PTGFRN: variants seen among roughly 807,000 people sequenced by gnomAD.
PTGFRN encodes prostaglandin F2 receptor inhibitor, also known as prostaglandin F2 receptor negative regulator.
In PTGFRN, 35 loss-of-function variants were observed where a neutral mutation model predicts 83.2. The observed-to-expected ratio is 0.42, with a 90% confidence interval of 0.32 to 0.56. The LOEUF is 0.56. Among genes scored for constraint, PTGFRN ranks in the 20% least tolerant of loss-of-function variants. The pLI is 0.11. For synonymous variants in PTGFRN, 519 were observed against 498.6 expected (o/e 1.04, Z -0.55); for missense variants, 1,051 against 1,179.5 (o/e 0.89, Z 1.60).
intron 1 of PTGFRN, among the ~76,000 whole-genome samples, chr1:116,926,891 A>G (rs2806863): frequency 0.17 from 25,211 of 152,140 alleles, 4,452 homozygotes; most frequent in African/African-American, 0.44. Context: ...TAAAGTATCA[A>G]GGAAAAGTCA....
rs762083606 is a variant in PTGFRN, at chr1:116,961,204, A to G, written c.1214-39A>G. 4.7e-6 allele frequency: 7 copies of G among 1,488,302 alleles called. No individual in the cohort carries two copies. In the Admixed American group the frequency reaches 1.6e-4, roughly 35 times the overall value. The allele number at this position is 1,488,302 out of a possible 1,614,324, so 92.2% of individuals were successfully genotyped here. ...TTGTTAATTCTTGCCATGTTACTCT[A>G]ATTATTTTCCTATCCTGGCCTTTCT... On this transcript the variant is annotated intron_variant, in intron 4 of 8. Transcript: ENST00000393203. The surrounding 1 kb of genome is among the most constrained non-coding windows in gnomAD (Gnocchi z 5.4).
chr1:116,949,203 G>A lies in PTGFRN; in HGVS notation c.844G>A (p.Ala282Thr), dbSNP rs775054132. ...VVIQPSVLRA[A>T]VPKNVSVAEG... ...TTTTAATTTTCAAGTTCTGCGAGCA[G>A]CTGTGCCCAAGAATGTGTCTGTGGC... The change falls in exon 4 of 9, where the codon GCT becomes ACT. Residue 282 changes from alanine (A) to threonine (T), a missense_variant. Physicochemically the swap from Ala to Thr is moderately conservative, Grantham distance 58. Coordinates refer to ENST00000393203, the MANE Select transcript of PTGFRN (RefSeq NM_020440.4). 2.5e-6 allele frequency: 4 copies of A among 1,586,290 alleles called. No individual in the cohort carries two copies. The highest frequency in any genetic ancestry group is 2.3e-5 in the East Asian group (1 of 44,386).
intron 7 of PTGFRN, among the ~76,000 whole-genome samples, chr1:116,982,156 G>A (rs758043905): frequency 7.9e-5 from 12 of 152,236 alleles, no homozygotes; most frequent in South Asian, 2.1e-4. Flanking sequence ...GGGAAAATGC[G>A]ATACCATGTT....
chr1:116,930,663 C>G (rs114449167), intron 1 of PTGFRN, among the ~76,000 whole-genome samples: 1 of 152,180 alleles, frequency 6.6e-6, no homozygotes, highest in Non-Finnish European at 1.5e-5. Flanking sequence ...GAGCTGCTGC[C>G]TTTTGATTCC....
chr1:116,958,163 G>C lies in PTGFRN; in HGVS notation c.1214-3080G>C, dbSNP rs754943532. On this transcript the variant is annotated intron_variant, in intron 4 of 8. Coordinates refer to ENST00000393203, the MANE Select transcript of PTGFRN (RefSeq NM_020440.4). This position sits in a 1 kb window ranked among gnomAD's most constrained non-coding sequence, Gnocchi z 4.9. ...ACGGGGGTGGAAGTAAACCATTAAG[G>C]ATCAAAGGGTCTGTCACCTGTGAGG... Among the ~76,000 whole-genome samples, 8 of 152,138 alleles carry C rather than the reference G, an allele frequency of 5.3e-5. No individual in the cohort carries two copies. Among genetic ancestry groups the C allele is most frequent in the Non-Finnish European group, 8.8e-5 (6 of 68,028 alleles).
In PTGFRN at chr1:116,949,390, C is replaced by T; in HGVS notation, c.1031C>T (p.Pro344Leu). The T allele has an allele frequency of 6.2e-7, 1 of 1,614,262 alleles. No homozygotes were observed. The highest frequency in any genetic ancestry group is 8.5e-7 in the Non-Finnish European group (1 of 1,180,044). The part of the protein sequence containing the change: ...LDRDSLVHSS[P>L]HVALSHVDAR... Reference sequence around the variant, plus strand: ...CGTGATTCCCTGGTGCACAGCTCGCCTCATGTTGCTTTGAGTCATGTGGAT... The same window carrying T: ...CGTGATTCCCTGGTGCACAGCTCGCTTCATGTTGCTTTGAGTCATGTGGAT... Residue 344 changes from proline to leucine, a missense_variant, in exon 4 of 9, where the codon CCT (proline) becomes CTT (leucine). Pro to Leu is a moderately conservative substitution (Grantham distance 98). Around this residue, in one of 3 missense-constraint regions of PTGFRN, gnomAD observed 719 missense variants for 836.6 expected, o/e 0.86. Coordinates refer to ENST00000393203, the MANE Select transcript of PTGFRN (RefSeq NM_020440.4).
intron 1 of PTGFRN, among the ~76,000 whole-genome samples, chr1:116,912,005 C>T (rs770779364): frequency 2.6e-5 from 4 of 152,140 alleles, no homozygotes; most frequent in Non-Finnish European, 4.4e-5. Context: ...TGAATAACTC[C>T]CCCTAGAGCT....
At chr1:116,911,278 A>T (rs1434491900) in intron 1 of PTGFRN, among the ~76,000 whole-genome samples, 2 of 152,194 alleles carry the variant, frequency 1.3e-5, no homozygotes, top group Non-Finnish European at 2.9e-5. Flanking sequence ...CCCCTAGAGA[A>T]GGCGGCTCTG....
chr1:116,951,712 C>T (rs1650354940), intron 4 of PTGFRN, among the ~76,000 whole-genome samples: 1 of 151,946 alleles, frequency 6.6e-6, no homozygotes. Context: ...GTGCCTATGA[C>T]TCAGACCATT....
chr1:116,986,927 G>C lies in PTGFRN; in HGVS notation c.2600G>C (p.Arg867Pro), dbSNP rs770066096. ...WCCKKEVQET[R>P]RERRRLMSME... ...TGTAAGAAGGAGGTTCAGGAGACAC[G>C]GCGCGAGCGCCGCAGGCTCATGTCG... Residue 867 changes from arginine to proline, a missense_variant, in exon 9 of 9, where the codon CGG becomes CCG. By Grantham distance (103) the Arg-to-Pro change is moderately radical. Coordinates refer to ENST00000393203, the MANE Select transcript of PTGFRN (RefSeq NM_020440.4). 1.9e-6 allele frequency: 3 copies of C among 1,614,234 alleles called. No individual in the cohort carries two copies. Among genetic ancestry groups the C allele is most frequent in the Non-Finnish European group, 2.5e-6 (3 of 1,180,038 alleles).
chr1:116,970,160 C>CT (rs1192135396), intron 6 of PTGFRN, among the ~76,000 whole-genome samples: 1 of 143,462 alleles, frequency 7.0e-6, no homozygotes, highest in East Asian at 2.0e-4. Context: ...AGTGGACATT[C>CT]TTGTCTTGTT....
chr1:116,984,920 C>G lies in PTGFRN; in HGVS notation c.2408C>G (p.Thr803Arg). The stretch of plus-strand genomic sequence containing the variant: ...GTGACTCCATGGGTGAAGTCACCAA[C>G]AGGTTCCTGGCAGAAGGAGGCAGAG... ...CSVTPWVKSP[T>R]GSWQKEAEIH... is the part of the protein sequence containing the mutation. The change falls in exon 8 of 9, where the codon ACA (threonine) becomes AGA (arginine). Residue 803 changes from threonine (T) to arginine (R), a missense_variant. By Grantham distance (71) the Thr-to-Arg change is moderately conservative. Around this residue, in one of 3 missense-constraint regions of PTGFRN, gnomAD observed 719 missense variants for 836.6 expected, o/e 0.86. Transcript: ENST00000393203. 6.2e-7 allele frequency: 1 copy of G among 1,614,160 alleles called. No individual in the cohort carries two copies. Among genetic ancestry groups the G allele is most frequent in the Non-Finnish European group, 8.5e-7 (1 of 1,180,022 alleles).
At chr1:116,979,886 T>C (rs927751840) in intron 7 of PTGFRN, among the ~76,000 whole-genome samples, 2 of 151,486 alleles carry the variant, frequency 1.3e-5, no homozygotes, top group Admixed American at 1.3e-4. Context: ...CTAATTAAAC[T>C]AAAGAGCTTC....
At chr1:116,938,403 G>A (rs1018287121) in intron 1 of PTGFRN, among the ~76,000 whole-genome samples, 2 of 152,206 alleles carry the variant, frequency 1.3e-5, no homozygotes, top group Non-Finnish European at 2.9e-5. Flanking sequence ...CGTGGCGGAA[G>A]GCAAGGAGGG....
intron 5 of PTGFRN, among the ~76,000 whole-genome samples, chr1:116,965,154 A>G (rs1392666078): frequency 2.0e-5 from 3 of 152,104 alleles, no homozygotes; most frequent in African/African-American, 7.2e-5. Flanking sequence ...AGGCTCCTCA[A>G]ATACACCAAG....
rs773368776 is a variant in PTGFRN, at chr1:116,961,218, C to T, written c.1214-25C>T. On this transcript the variant is annotated intron_variant, in intron 4 of 8. Coordinates refer to ENST00000393203, the MANE Select transcript of PTGFRN (RefSeq NM_020440.4). This position sits in a 1 kb window ranked among gnomAD's most constrained non-coding sequence, Gnocchi z 5.4. ...CATGTTACTCTAATTATTTTCCTAT[C>T]CTGGCCTTTCTGTCTCTCGTTCAGA... 3 of 1,500,920 alleles carry T rather than the reference C, an allele frequency of 2.0e-6. No individual in the cohort carries two copies. Among genetic ancestry groups the T allele is most frequent in the African/African-American group, 1.4e-5 (1 of 71,458 alleles). 93.0% of individuals were successfully genotyped at this position (1,500,920 alleles called of 1,614,324 possible).
intron 7 of PTGFRN, among the ~76,000 whole-genome samples, chr1:116,981,007 T>G (rs906948125): frequency 6.6e-6 from 1 of 152,166 alleles, no homozygotes. Context: ...AGGGTGCTAT[T>G]GTAGTTAGAA....
chr1:116,948,189 G>T (rs1272034757), intron 3 of PTGFRN, among the ~76,000 whole-genome samples: 2 of 152,146 alleles, frequency 1.3e-5, no homozygotes, highest in Non-Finnish European at 2.9e-5. Context: ...CTAAGTAATT[G>T]TTCCCGGACA....
At chr1:116,944,522 T>C (rs1442512937) in intron 2 of PTGFRN, among the ~76,000 whole-genome samples, 157 bp from the exon 3 acceptor site, 1 of 152,190 alleles carries the variant, frequency 6.6e-6, no homozygotes, top group Non-Finnish European at 1.5e-5. Context: ...AGAAAGTCAA[T>C]TGAGATTACA....
Sources: allele counts gnomAD v4.1 joint callset (sites outside exome capture counted in the v4.1 genomes callset), GRCh38; gene constraint gnomAD v4.1.1; regional missense constraint gnomAD v4.1.1; non-coding constraint Gnocchi (gnomAD v3.1); transcripts MANE v1.5; gene names NCBI Gene and HGNC (gene_info 2026-07-23, HGNC 2026-07-21).